Variants in STAT5B observed in about 807,000 individuals in gnomAD.
STAT5B encodes the protein signal transducer and activator of transcription 5B, also known as transcription factor STAT5B.
In STAT5B, 21 loss-of-function variants were observed where a neutral mutation model predicts 107.8. That is an observed-to-expected ratio of 0.19 (90% confidence interval 0.14 to 0.28). The LOEUF (loss-of-function observed/expected upper bound fraction) is 0.28. STAT5B is among the 10% of genes least tolerant of loss of function. The probability of loss-of-function intolerance (pLI) is 1.00; values close to 1 mark genes in which losing one functional copy is unlikely to be tolerated. For missense variants in STAT5B, 565 were observed against 1,008.2 expected, an observed-to-expected ratio of 0.56 and a Z score of 5.95; for synonymous variants, 325 against 401.7, an observed-to-expected ratio of 0.81 and a Z score of 2.28.
chr17:42,215,385 T>C (rs2080162811), intron 12 of STAT5B, among the ~76,000 whole-genome samples: 1 of 152,074 alleles, frequency 6.6e-6, no homozygotes, highest in African/African-American at 2.4e-5. Context: ...ATTTTCTATG[T>C]TATCTAATTT....
intron 1 of STAT5B, among the ~76,000 whole-genome samples, chr17:42,264,542 A>AT (rs1167850104): frequency 6.6e-6 from 1 of 151,778 alleles, no homozygotes; most frequent in East Asian, 1.9e-4. Context: ...TGAACTCATC[A>AT]TTTTTTATGG....
chr17:42,216,692 CTT>C (rs1189393108), intron 11 of STAT5B, among the ~76,000 whole-genome samples: 70 of 138,412 alleles, frequency 5.1e-4, no homozygotes, highest in Admixed American at 8.1e-4. Context: ...TTGTTCATGT[CTT>C]TTTTTTTTTT....
chr17:42,257,790 T>C (rs1375042274), intron 1 of STAT5B, among the ~76,000 whole-genome samples: 2 of 152,160 alleles, frequency 1.3e-5, no homozygotes, highest in Admixed American at 6.5e-5. Context: ...GAATAAAATA[T>C]AGGTCAAATT....
chr17:42,226,638 T>G (rs1452901660), intron 3 of STAT5B, among the ~76,000 whole-genome samples: 1 of 151,176 alleles, frequency 6.6e-6, no homozygotes, highest in Non-Finnish European at 1.5e-5. Context: ...AGAAACCCCA[T>G]CTCTACTAAA....
intron 1 of STAT5B, among the ~76,000 whole-genome samples, chr17:42,248,708 G>A (rs2080473560): frequency 6.6e-6 from 1 of 152,188 alleles, no homozygotes; most frequent in Admixed American, 6.5e-5. Context: ...CAGGATAACG[G>A]CAGAGCCCTT....
intron 1 of STAT5B, among the ~76,000 whole-genome samples, chr17:42,241,745 G>GTA (rs1374861792): frequency 6.6e-6 from 1 of 152,060 alleles, no homozygotes; most frequent in Non-Finnish European, 1.5e-5. Flanking sequence ...GCCTAGCCTA[G>GTA]TATAGCGATT....
intron 1 of STAT5B, among the ~76,000 whole-genome samples, chr17:42,239,630 C>T (rs905237484): frequency 6.6e-6 from 1 of 152,168 alleles, no homozygotes; most frequent in African/African-American, 2.4e-5. Context: ...CTAAATCCCT[C>T]AGACGTAGGC....
At chr17:42,222,873 G>A (rs1012622852) in intron 5 of STAT5B, among the ~76,000 whole-genome samples, 7 of 151,072 alleles carry the variant, frequency 4.6e-5, no homozygotes, top group African/African-American at 9.8e-5. Context: ...TAGTAGAGAC[G>A]GGGTTTCACC....
intron 2 of STAT5B, 33 bp from the exon 3 acceptor site, chr17:42,227,718 T>C (rs750044210): frequency 1.1e-5 from 17 of 1,608,546 alleles, no homozygotes; most frequent in Admixed American, 1.7e-5. Context: ...TCTGTATACA[T>C]ACATGCACGT....
At chr17:42,283,594 T>A in the STAT5B span, among the ~76,000 whole-genome samples, 9 of 152,230 alleles carry the variant, frequency 5.9e-5, no homozygotes, top group Non-Finnish European at 1.0e-4. Flanking sequence ...TCAGGCAGGA[T>A]GGCCTTGTGT....
chr17:42,271,555 T>C (rs1364548666), intron 1 of STAT5B: 1 of 149,806 alleles, frequency 6.7e-6, no homozygotes, highest in African/African-American at 2.5e-5. Context: ...GCTACTTCTC[T>C]TCATATTAGA....
At chr17:42,237,897 T>C (rs1332139369) in intron 1 of STAT5B, among the ~76,000 whole-genome samples, 4 of 152,188 alleles carry the variant, frequency 2.6e-5, no homozygotes, top group Non-Finnish European at 5.9e-5. Flanking sequence ...TGTACATACC[T>C]AAAACAGTAT....
At chr17:42,230,992 TAAA>T (rs1287006689) in intron 2 of STAT5B, among the ~76,000 whole-genome samples, 1 of 152,122 alleles carries the variant, frequency 6.6e-6, no homozygotes, top group Non-Finnish European at 1.5e-5. Context: ...TGTGTATATA[TAAA>T]ATACATATAA....
intron 1 of STAT5B, chr17:42,269,798 A>G (rs2080706737): frequency 6.6e-6 from 1 of 152,138 alleles, no homozygotes; most frequent in African/African-American, 2.4e-5. Flanking sequence ...ATCCACTCCC[A>G]AGGAAAAGTG....
At chr17:42,265,073 A>T (rs2080655895) in intron 1 of STAT5B, among the ~76,000 whole-genome samples, 1 of 134,154 alleles carries the variant, frequency 7.5e-6, no homozygotes. Context: ...TTTTCTTGTA[A>T]ATTTGTTTGA....
At chr17:42,214,382 T>A (rs2080154436) in intron 12 of STAT5B, 3 of 985,246 alleles carry the variant, frequency 3.0e-6, no homozygotes, top group Non-Finnish European at 3.6e-6. Flanking sequence ...AAAAGGAGCT[T>A]CTGATTCAGA....
Position 42,236,599 on chromosome 17 carries a change from G to A in STAT5B, c.-10-4462C>T, listed in dbSNP as rs1007764956. ...TGGGACTACAGGCACTCACCACCAC[G>A]CCTGGCTAATTTTTTTTAGTAGAGA... On this transcript the variant is annotated intron_variant, in intron 1 of 18. Coordinates refer to ENST00000293328, the MANE Select transcript of STAT5B (RefSeq NM_012448.4). Among the ~76,000 whole-genome samples, 3 of 152,028 alleles carry A rather than the reference G, an allele frequency of 2.0e-5. No individual in the cohort carries two copies. In the East Asian group the frequency reaches 5.8e-4, roughly 29 times the overall value.
chr17:42,288,076 G>C, the STAT5B span: 4 of 152,160 alleles, frequency 2.6e-5, 1 homozygote, highest in East Asian at 3.9e-4. This position sits in a 1 kb window ranked among gnomAD's most constrained non-coding sequence, Gnocchi z 4.8. Flanking sequence ...GATGACACGC[G>C]CCAGAGCTGG....
At chr17:42,227,788 T>G in intron 2 of STAT5B, 103 bp from the exon 3 acceptor site, 2 of 1,255,814 alleles carry the variant, frequency 1.6e-6, no homozygotes, top group Non-Finnish European at 2.2e-6. Context: ...AGTGATGTTT[T>G]TAATCCTCAC....
Sources: gnomAD v4.1 joint callset for allele counts (sites outside exome capture counted in the v4.1 genomes callset) on GRCh38, gnomAD v4.1.1 for gene constraint, Gnocchi (gnomAD v3.1) non-coding constraint, MANE v1.5 for transcripts, NCBI Gene and HGNC (gene_info 2026-07-23, HGNC 2026-07-21) for gene names.